Variants in ERCC6 observed in about 807,000 individuals in gnomAD.
The protein encoded by ERCC6 is DNA excision repair protein ERCC-6.
A neutral mutation model predicts 158.7 loss-of-function variants in ERCC6; 116 were observed. The ratio of observed to expected loss-of-function variants is 0.73; its 90% CI spans 0.63 to 0.85. The LOEUF (loss-of-function observed/expected upper bound fraction) is 0.85. ERCC6 is among the 40% of genes least tolerant of loss of function. ERCC6 has a pLI of 0.00. For synonymous variants in ERCC6, 678 were observed against 659.3 expected, an observed-to-expected ratio of 1.03 and a Z score of -0.43; for missense variants, 1,698 against 1,799.4, an observed-to-expected ratio of 0.94 and a Z score of 1.02.
intron 18 of ERCC6, among the ~76,000 whole-genome samples, chr10:49,467,588 T>C (rs1380072053): frequency 3.9e-5 from 6 of 152,186 alleles, no homozygotes; most frequent in Non-Finnish European, 7.4e-5. Flanking sequence ...TTTTTTGACA[T>C]GGGGTCTCGC....
Position 49,472,908 on chromosome 10 carries a change from C to T in ERCC6, c.2829+1G>A, listed in dbSNP as rs1554875522. The T allele has an allele frequency of 6.2e-7, 1 of 1,613,654 alleles. No homozygotes were observed. Among genetic ancestry groups the T allele is most frequent in the Non-Finnish European group, 8.5e-7 (1 of 1,179,844 alleles). On this transcript the variant is annotated splice_donor_variant, in intron 15 of 20. Coordinates refer to ENST00000355832, the MANE Select transcript of ERCC6 (RefSeq NM_000124.4). LOFTEE classifies it high-confidence loss of function. ...CTTTTAAAAAAAAAATAAAAACAAA[C>T]CTGCGTGTCCGTGCTTGGGTTCCAG...
chr10:49,438,934 G>T, the ERCC6 span, among the ~76,000 whole-genome samples: 1 of 152,228 alleles, frequency 6.6e-6, no homozygotes, highest in Non-Finnish European at 1.5e-5. Context: ...TCACGCTGAT[G>T]TAAAAAGTAG....
At chr10:49,513,662 C>T (rs911297143) in intron 5 of ERCC6, among the ~76,000 whole-genome samples, 2 of 152,140 alleles carry the variant, frequency 1.3e-5, no homozygotes, top group Non-Finnish European at 2.9e-5. Context: ...ACAGGAAAAA[C>T]TTCCACTTTT....
intron 7 of ERCC6, among the ~76,000 whole-genome samples, chr10:49,498,656 G>A (rs960158594): frequency 6.6e-6 from 1 of 152,112 alleles, no homozygotes; most frequent in Non-Finnish European, 1.5e-5. Context: ...ATAGAGAAGA[G>A]GATATGAGCA....
intron 10 of ERCC6, among the ~76,000 whole-genome samples, chr10:49,480,005 A>G (rs1850948508): frequency 6.6e-6 from 1 of 152,194 alleles, no homozygotes; most frequent in Non-Finnish European, 1.5e-5. Context: ...TCCTGAGCAC[A>G]GTGACCTTAG....
intron 14 of ERCC6, among the ~76,000 whole-genome samples, chr10:49,473,238 G>A (rs1850812766): frequency 6.6e-6 from 1 of 152,186 alleles, no homozygotes; most frequent in African/African-American, 2.4e-5. Context: ...TGGGTTTTTA[G>A]GAGGAAAATA....
At chr10:49,507,756 C>CT (rs1851468620) in intron 5 of ERCC6, among the ~76,000 whole-genome samples, 1 of 152,152 alleles carries the variant, frequency 6.6e-6, no homozygotes, top group South Asian at 2.1e-4. Context: ...CTACTACTGG[C>CT]ATCTTGCAGG....
At chr10:49,471,259 A>C (rs1433948357) in intron 16 of ERCC6, 139 bp from the exon 17 acceptor site, 1 of 808,282 alleles carries the variant, frequency 1.2e-6, no homozygotes, top group East Asian at 2.6e-5. Context: ...TCAGCCTTGG[A>C]AAATTACAAT....
chr10:49,467,339 G>A (rs892824380), intron 18 of ERCC6, among the ~76,000 whole-genome samples: 1 of 152,092 alleles, frequency 6.6e-6, no homozygotes, highest in Non-Finnish European at 1.5e-5. Context: ...TTCCCACCAG[G>A]CGTGTATGAG....
At chr10:49,476,002 T>C (rs1850869947) in intron 12 of ERCC6, among the ~76,000 whole-genome samples, 1 of 152,238 alleles carries the variant, frequency 6.6e-6, no homozygotes, top group South Asian at 2.1e-4. Context: ...CACACAGCTC[T>C]GCAACTTTCC....
At chr10:49,479,758 A>G (rs1306043924) in intron 10 of ERCC6, among the ~76,000 whole-genome samples, 1 of 152,216 alleles carries the variant, frequency 6.6e-6, no homozygotes, top group African/African-American at 2.4e-5. Context: ...AACCAGGGCT[A>G]GGCTGGGGAA....
At chr10:49,479,642 A>G (rs1300521382) in intron 10 of ERCC6, among the ~76,000 whole-genome samples, 5 of 152,208 alleles carry the variant, frequency 3.3e-5, no homozygotes, top group African/African-American at 9.6e-5. Context: ...CCACTGAGGA[A>G]GCACGAATGT....
chr10:49,525,933 C>T (rs7903788), intron 4 of ERCC6, among the ~76,000 whole-genome samples: 2 of 151,330 alleles, frequency 1.3e-5, no homozygotes, highest in African/African-American at 4.9e-5. Context: ...CTTCCTTCAC[C>T]CAACATTATG....
At chr10:49,466,508 G>A (rs1291372327) in intron 18 of ERCC6, among the ~76,000 whole-genome samples, 1 of 152,150 alleles carries the variant, frequency 6.6e-6, no homozygotes, top group African/African-American at 2.4e-5. Context: ...TGCAATAACT[G>A]CTAAAGTACA....
Position 49,461,587 on chromosome 10 carries a change from T to G in ERCC6, c.3779-31A>C, listed in dbSNP as rs775442509. 28 of 1,590,754 alleles carry G rather than the reference T, an allele frequency of 1.8e-5. No individual in the cohort carries two copies. The East Asian group carries it at 5.2e-4, about 29-fold the overall frequency. Reference sequence around the variant, plus strand: ...AAGAAAAGAAATAGCAAAGTGATATTTCACTCTGTATGCAAGAAAGACACT... The same window carrying G: ...AAGAAAAGAAATAGCAAAGTGATATGTCACTCTGTATGCAAGAAAGACACT... On this transcript the variant is annotated intron_variant, in intron 18 of 20. Coordinates refer to ENST00000355832, the MANE Select transcript of ERCC6 (RefSeq NM_000124.4).
At chr10:49,454,393 G>A (rs1223476384), downstream of ERCC6, among the ~76,000 whole-genome samples, 1 of 152,170 alleles carries the variant, frequency 6.6e-6, no homozygotes, top group Non-Finnish European at 1.5e-5. Flanking sequence ...CTGTTTTCTT[G>A]GCTGCACCCA....
rs1406391514 is a variant in ERCC6, at chr10:49,458,862, T to C, written c.4435A>G (p.Thr1479Ala). The part of the protein sequence containing the change: ...LLRNLCTFHR[T>A]SGGEGIWKLK... ...TTCCAAATTCCTTCACCACCAGAAG[T>C]TCTATGGAAAGTGCACAGATTTCTC... Residue 1479 changes from threonine (T) to alanine (A), a missense_variant, in exon 21 of 21, where the codon ACT (threonine) becomes GCT (alanine). Thr to Ala is a moderately conservative substitution (Grantham distance 58). Coordinates refer to ENST00000355832, the MANE Select transcript of ERCC6 (RefSeq NM_000124.4). 6.2e-7 allele frequency: 1 copy of C among 1,614,060 alleles called. No individual in the cohort carries two copies. The highest frequency in any genetic ancestry group is 1.3e-5 in the African/African-American group (1 of 74,914).
chr10:49,479,544 A>G (rs1294200447), intron 10 of ERCC6, among the ~76,000 whole-genome samples: 1 of 152,214 alleles, frequency 6.6e-6, no homozygotes, highest in Non-Finnish European at 1.5e-5. Context: ...ATTCAGACTG[A>G]TGAATATCAC....
rs200885276 is a variant in ERCC6 at position 49,470,791 on chromosome 10, G to T, written c.3169C>A (p.Pro1057Thr). ...DHDVPKRKKFPASNISVNDAT... is the reference protein window; with the variant it reads ...DHDVPKRKKFTASNISVNDAT... ...TCATTTACAGATATGTTAGAAGCAG[G>T]GAACTTCTTGCGTTTTGGAACATCA... The change falls in exon 18 of 21, where the codon CCT (proline) becomes ACT (threonine). Residue 1057 changes from proline (P) to threonine (T), a missense_variant. Pro to Thr is a conservative substitution (Grantham distance 38). Coordinates refer to ENST00000355832, the MANE Select transcript of ERCC6 (RefSeq NM_000124.4). The T allele has an allele frequency of 6.2e-7, 1 of 1,614,122 alleles. No individual in the cohort carries two copies. The highest frequency in any genetic ancestry group is 2.2e-5 in the East Asian group (1 of 44,878).
Sources: gnomAD v4.1 joint callset for allele counts (sites outside exome capture counted in the v4.1 genomes callset) on GRCh38, gnomAD v4.1.1 for gene constraint, MANE v1.5 for transcripts, NCBI Gene and HGNC (gene_info 2026-07-23, HGNC 2026-07-21) for gene names.